Variants in MTF1 observed in about 807,000 individuals in gnomAD.
The protein encoded by MTF1 is MRE-binding transcription factor.
A neutral mutation model predicts 70.4 loss-of-function variants in MTF1; 22 were observed. The observed-to-expected ratio is 0.31, with a 90% CI of 0.22 to 0.45. The LOEUF is 0.45. Among genes scored for constraint, MTF1 ranks in the 20% least tolerant of loss-of-function variants. The pLI, the probability that MTF1 is intolerant of heterozygous loss-of-function variation, is 1.00. For missense variants in MTF1, 649 were observed against 922.0 expected (o/e 0.70, Z 3.83); for synonymous variants, 333 against 352.8 (o/e 0.94, Z 0.63).
intron 7 of MTF1, among the ~76,000 whole-genome samples, chr1:37,832,014 T>G (rs1641094173): frequency 6.6e-6 from 1 of 152,172 alleles, no homozygotes; most frequent in African/African-American, 2.4e-5. Context: ...AAAGAAATTT[T>G]CTGGGGCCAG....
At chr1:37,820,361 G>A (rs1640892358) in intron 9 of MTF1, among the ~76,000 whole-genome samples, 1 of 152,224 alleles carries the variant, frequency 6.6e-6, no homozygotes, top group African/African-American at 2.4e-5. Flanking sequence ...ATTAGTGTCT[G>A]AACCCCTCAA....
At chr1:37,834,699 G>T (rs1186473395) in intron 6 of MTF1, 1 of 465,172 alleles carries the variant, frequency 2.1e-6, no homozygotes, top group South Asian at 1.5e-5. Context: ...CAGAAGAAGT[G>T]ATGGGATTCT....
chr1:37,840,437 C>A lies in MTF1; in HGVS notation c.409-279G>T. 1.9e-6 allele frequency: 1 copy of A among 524,100 alleles called. No homozygotes were observed. The highest frequency in any genetic ancestry group is 3.6e-6 in the Non-Finnish European group (1 of 276,170). 32.5% of individuals were successfully genotyped at this position (524,100 alleles called of 1,614,324 possible). ...GTTTTCAGACTCTATATACATCTACCCACTAAAAGTACACTATACTGTTAC... is the reference window on the plus strand; with the variant it reads ...GTTTTCAGACTCTATATACATCTACACACTAAAAGTACACTATACTGTTAC... On this transcript the variant is annotated intron_variant, in intron 2 of 10. Transcript: ENST00000373036. The surrounding 1 kb of genome is among the most constrained non-coding windows in gnomAD (Gnocchi z 4.5).
intron 6 of MTF1, among the ~76,000 whole-genome samples, chr1:37,833,985 G>A (rs1037960770): frequency 1.3e-5 from 2 of 152,120 alleles, no homozygotes; most frequent in Non-Finnish European, 2.9e-5. Context: ...CGGTACTTTG[G>A]GAGGCCAAGG....
intron 7 of MTF1, among the ~76,000 whole-genome samples, chr1:37,827,520 G>A (rs1370353296): frequency 5.3e-5 from 8 of 151,948 alleles, no homozygotes; most frequent in Non-Finnish European, 8.8e-5. Flanking sequence ...ATCATGCCCG[G>A]CTAATTTTGT....
intron 7 of MTF1, chr1:37,828,324 G>T (rs1216095997): frequency 5.3e-6 from 2 of 380,666 alleles, no homozygotes; most frequent in Non-Finnish European, 1.0e-5. Flanking sequence ...TTTGTTCTGA[G>T]ACAGAGTTTC....
chr1:37,823,923 T>C, intron 7 of MTF1, 111 bp from the exon 8 acceptor site: 1 of 762,706 alleles, frequency 1.3e-6, no homozygotes, highest in Non-Finnish European at 2.2e-6. Context: ...GATATGCATT[T>C]TGTTTCTACC....
chr1:37,836,428 A>G (rs1470716201), intron 4 of MTF1, among the ~76,000 whole-genome samples: 2 of 152,196 alleles, frequency 1.3e-5, no homozygotes, highest in African/African-American at 4.8e-5. Context: ...ATGGCTTGCA[A>G]TGTAACATAA....
chr1:37,832,815 G>A (rs1007710639), intron 6 of MTF1, among the ~76,000 whole-genome samples: 1 of 152,024 alleles, frequency 6.6e-6, no homozygotes, highest in Non-Finnish European at 1.5e-5. Context: ...GACCAGCCTG[G>A]CCAACATAGT....
At chr1:37,852,419 T>C (rs1020190118) in intron 2 of MTF1, among the ~76,000 whole-genome samples, 1 of 152,174 alleles carries the variant, frequency 6.6e-6, no homozygotes, top group African/African-American at 2.4e-5. Flanking sequence ...GGGATCACCA[T>C]TTGGAGGGTG....
In MTF1 at chr1:37,812,083, T is replaced by C. The variant is rs1272536477; in HGVS notation, c.*3053A>G. The C allele has an allele frequency of 6.5e-6, 1 of 152,680 alleles. No homozygotes were observed. Among genetic ancestry groups the C allele is most frequent in the Non-Finnish European group, 1.5e-5 (1 of 68,044 alleles). 9.5% of individuals were successfully genotyped at this position (152,680 alleles called of 1,614,324 possible). A position where few individuals can be genotyped will look rare whatever the true frequency, so the allele number is the denominator to read the frequency against. On this transcript the variant is annotated 3_prime_UTR_variant, in exon 11 of 11. Transcript: ENST00000373036. ...TCTAATTGGAGATGTTAGTAGGAGC[T>C]AGAAGATAACGTACAGGGTGAAAAT...
rs931131688 is a variant in MTF1, at chr1:37,857,633, T to C, written c.26A>G (p.Asn9Ser). 2.5e-6 allele frequency: 4 copies of C among 1,613,964 alleles called. No homozygotes were observed. The highest frequency in any genetic ancestry group is 1.7e-5 in the Admixed American group (1 of 60,022). ...TTCCTCTGCCTCAAAGTAGATGATG[T>C]TGTTGTCTGGACTGTGTTCCCCCAT... Reference protein sequence around the residue: MGEHSPDNNIIYFEAEEDE... With the variant: MGEHSPDNSIIYFEAEEDE... The change falls in exon 2 of 11, where the codon AAC (asparagine) becomes AGC (serine). Residue 9 changes from asparagine to serine, a missense_variant. By Grantham distance (46) the Asn-to-Ser change is conservative. This residue lies in a region of MTF1 where 34 missense variants were observed against 38.7 expected (regional missense o/e 0.88). Coordinates refer to ENST00000373036, the MANE Select transcript of MTF1 (RefSeq NM_005955.3).
At chr1:37,846,194 C>G (rs976066913) in intron 2 of MTF1, among the ~76,000 whole-genome samples, 37 of 152,024 alleles carry the variant, frequency 2.4e-4, no homozygotes, top group Non-Finnish European at 1.5e-5. Context: ...TCAAAGAGCT[C>G]AAAGTCAAAA....
Position 37,822,394 on chromosome 1 carries a change from T to A in MTF1, c.1494A>T (p.Gly498=). ...CAGAAGCCCCAGCAACAACAGAAAG[T>A]CCTGGTACAATGGGCTGCGGTGCCT... The part of the protein sequence containing the change: ...HPQAPQPIVP[G]LSVVAGASAS... The change falls in exon 9 of 11, where the codon GGA becomes GGT. Residue 498 remains glycine, a synonymous_variant. Coordinates refer to ENST00000373036, the MANE Select transcript of MTF1 (RefSeq NM_005955.3). 6 of 1,614,112 alleles carry A rather than the reference T, an allele frequency of 3.7e-6. No individual in the cohort carries two copies. The highest frequency in any genetic ancestry group is 5.1e-6 in the Non-Finnish European group (6 of 1,180,004).
At chr1:37,843,356 C>T (rs947659371) in intron 2 of MTF1, among the ~76,000 whole-genome samples, 6 of 151,662 alleles carry the variant, frequency 4.0e-5, no homozygotes, top group African/African-American at 1.5e-4. Context: ...GCAGAAAAGT[C>T]CTGGAAGAAG....
rs190442106 is a variant in MTF1, at chr1:37,834,541, A to T, written c.990+538T>A. On this transcript the variant is annotated intron_variant, in intron 6 of 10. Coordinates refer to ENST00000373036, the MANE Select transcript of MTF1 (RefSeq NM_005955.3). ...GCAGAGGACAGACATTATCTGCTTTATGGTTCAGAAAGATCACTCTGGCTG... is the reference window on the plus strand; with the variant it reads ...GCAGAGGACAGACATTATCTGCTTTTTGGTTCAGAAAGATCACTCTGGCTG... 4 of 361,534 alleles carry T rather than the reference A, an allele frequency of 1.1e-5. No homozygotes were observed. In the East Asian group the frequency reaches 3.3e-4, roughly 30 times the overall value. 22.4% of individuals were successfully genotyped at this position (361,534 alleles called of 1,614,324 possible). A position where few individuals can be genotyped will look rare whatever the true frequency, so the allele number is the denominator to read the frequency against.
chr1:37,850,765 GTAA>G (rs1044587579), intron 2 of MTF1, among the ~76,000 whole-genome samples: 2 of 152,026 alleles, frequency 1.3e-5, no homozygotes, highest in Non-Finnish European at 2.9e-5. Context: ...AGAAAATGAA[GTAA>G]TAGGTAAGCC....
chr1:37,823,744 A>T lies in MTF1; in HGVS notation c.1137T>A (p.Asp379Glu), dbSNP rs1640956180. 3.1e-6 allele frequency: 5 copies of T among 1,614,014 alleles called. No individual in the cohort carries two copies. The highest frequency in any genetic ancestry group is 4.2e-6 in the Non-Finnish European group (5 of 1,180,000). Residue 379 changes from aspartate (D) to glutamate (E), a missense_variant, in exon 8 of 11, where the codon GAT becomes GAA. Asp to Glu is a conservative substitution (Grantham distance 45, BLOSUM62 2). Around this residue, in one of 7 missense-constraint regions of MTF1, gnomAD observed 267 missense variants for 292.1 expected, o/e 0.91. Transcript: ENST00000373036. Reference protein sequence around the residue: ...IIFESMFQNSDDTAIQEDPQQ... With the variant: ...IIFESMFQNSEDTAIQEDPQQ... Reference sequence around the variant, plus strand: ...GAGGATCTTCCTGAATTGCCGTATCATCTGAATTCTGGAACATTGATTCAA... The same window carrying T: ...GAGGATCTTCCTGAATTGCCGTATCTTCTGAATTCTGGAACATTGATTCAA...
At chr1:37,854,373 T>G (rs1003054309) in intron 2 of MTF1, among the ~76,000 whole-genome samples, 4 of 152,224 alleles carry the variant, frequency 2.6e-5, no homozygotes, top group African/African-American at 9.6e-5. Flanking sequence ...ATCTGACAGC[T>G]GCATACATGA....
Sources: gnomAD v4.1 joint callset for allele counts (sites outside exome capture counted in the v4.1 genomes callset) on GRCh38, gnomAD v4.1.1 for gene constraint, gnomAD v4.1.1 regional missense constraint, Gnocchi (gnomAD v3.1) non-coding constraint, MANE v1.5 for transcripts, NCBI Gene and HGNC (gene_info 2026-07-23, HGNC 2026-07-21) for gene names.